C1orf226: variants seen among roughly 807,000 people sequenced by gnomAD.
The protein encoded by C1orf226 is chromosome 1 open reading frame 226.
A neutral mutation model predicts 10.5 loss-of-function variants in C1orf226; 4 were observed. The observed-to-expected ratio is 0.38, with a 90% CI of 0.19 to 0.87. C1orf226 has a LOEUF of 0.87. Ranked by LOEUF, C1orf226 falls within the 40% of genes least tolerant of loss-of-function variation. The probability of loss-of-function intolerance (pLI) is 0.41; values close to 1 mark genes in which losing one functional copy is unlikely to be tolerated. For missense variants in C1orf226, 313 were observed against 336.2 expected, an observed-to-expected ratio of 0.93 and a Z score of 0.54; for synonymous variants, 125 against 139.3, an observed-to-expected ratio of 0.90 and a Z score of 0.72.
At position 162,383,697 on chromosome 1, in the gene C1orf226, T is replaced by C; in HGVS notation, c.*14T>C. Reference sequence around the variant, plus strand: ...TCCTTTGAATAGAGCCTCTGCTCTTTCCTGCTGAGCTCTGCCCTTGTCTTC... The same window carrying C: ...TCCTTTGAATAGAGCCTCTGCTCTTCCCTGCTGAGCTCTGCCCTTGTCTTC... On this transcript the variant is annotated 3_prime_UTR_variant, in exon 2 of 2. Transcript: ENST00000458626. 1.3e-6 allele frequency: 2 copies of C among 1,575,638 alleles called. No individual in the cohort carries two copies. Among genetic ancestry groups the C allele is most frequent in the South Asian group, 2.3e-5 (2 of 85,148 alleles).
Position 162,381,866 on chromosome 1 carries a change from C to A in C1orf226, c.-36C>A. On this transcript the variant is annotated 5_prime_UTR_variant, in exon 1 of 2. Transcript: ENST00000458626. ...TACCGCTCCCCTTTCCTCATCATGC[C>A]TCTCTGTCGCCTCTTTGTTCATAGT... 6.2e-7 allele frequency: 1 copy of A among 1,607,702 alleles called. No homozygotes were observed. Among genetic ancestry groups the A allele is most frequent in the African/African-American group, 1.3e-5 (1 of 74,594 alleles).
chr1:162,383,802 C>T lies in C1orf226; in HGVS notation c.*119C>T. Reference sequence around the variant, plus strand: ...CCTTTGTCTTCCTTGTATGAGGCACCAGCAGAGAGCCAGTCGTCCATCATG... The same window carrying T: ...CCTTTGTCTTCCTTGTATGAGGCACTAGCAGAGAGCCAGTCGTCCATCATG... On this transcript the variant is annotated 3_prime_UTR_variant, in exon 2 of 2. Coordinates refer to ENST00000458626, the MANE Select transcript of C1orf226 (RefSeq NM_001085375.2). 1.0e-6 allele frequency: 1 copy of T among 991,996 alleles called. No individual in the cohort carries two copies. The highest frequency in any genetic ancestry group is 1.4e-6 in the Non-Finnish European group (1 of 695,516). The allele number at this position is 991,996 out of a possible 1,614,324, so 61.4% of individuals were successfully genotyped here. A position where few individuals can be genotyped will look rare whatever the true frequency, so the allele number is the denominator to read the frequency against.
At chr1:162,383,157 G>A (rs1647975324) in intron 1 of C1orf226, 25 bp from the exon 2 acceptor site, 1 of 1,533,654 alleles carries the variant, frequency 6.5e-7, no homozygotes, top group Non-Finnish European at 8.8e-7. Flanking sequence ...TAAGGCATGT[G>A]TGTTTATTGT....
intron 1 of C1orf226, 80 bp from the exon 2 acceptor site, chr1:162,383,102 A>T: frequency 5.0e-6 from 7 of 1,388,410 alleles, no homozygotes; most frequent in Non-Finnish European, 5.9e-6. Context: ...GTGCAGTTGG[A>T]GTTGGAGAAG....
chr1:162,380,004 G>T (rs1208236253), upstream of C1orf226, among the ~76,000 whole-genome samples: 2 of 152,208 alleles, frequency 1.3e-5, no homozygotes, highest in Non-Finnish European at 2.9e-5. Context: ...AAATGGTTTG[G>T]TTTCCAAATC....
At position 162,381,995 on chromosome 1, in the gene C1orf226, C is replaced by G; in HGVS notation, c.94C>G (p.Pro32Ala). ...LSKPVAPGSA[P>A]LGSGEPGGPG... ...CAAGCCCGTGGCCCCCGGCTCTGCC[C>G]CTCTGGGCTCTGGTGAGCCTGGGGG... The change falls in exon 1 of 2, where the codon CCT becomes GCT. Residue 32 changes from proline (P) to alanine (A), a missense_variant. Physicochemically the swap from Pro to Ala is conservative, Grantham distance 27. Coordinates refer to ENST00000458626, the MANE Select transcript of C1orf226 (RefSeq NM_001085375.2). 6.2e-7 allele frequency: 1 copy of G among 1,612,776 alleles called. No individual in the cohort carries two copies. The highest frequency in any genetic ancestry group is 8.5e-7 in the Non-Finnish European group (1 of 1,179,798).
chr1:162,385,714 C>G lies in C1orf226; in HGVS notation c.*2031C>G, dbSNP rs564105663. 1 of 152,268 alleles carries G rather than the reference C, an allele frequency of 6.6e-6. No individual in the cohort carries two copies. Among genetic ancestry groups the G allele is most frequent in the South Asian group, 2.1e-4 (1 of 4,822 alleles). 9.4% of individuals were successfully genotyped at this position (152,268 alleles called of 1,614,324 possible). On this transcript the variant is annotated 3_prime_UTR_variant, in exon 2 of 2. Transcript: ENST00000458626. ...AGAGCTGAGGATAGGGATAGAGTCC[C>G]CAAACACACATCCTGGGAGCAAGCC...
chr1:162,381,366 A>T (rs1647901054), upstream of C1orf226, among the ~76,000 whole-genome samples: 1 of 152,114 alleles, frequency 6.6e-6, no homozygotes, highest in Non-Finnish European at 1.5e-5. Flanking sequence ...CTCAAGGCCC[A>T]CCTCTGTAGA....
upstream of C1orf226, chr1:162,379,105 G>A: frequency 5.0e-6 from 5 of 1,002,730 alleles, no homozygotes; most frequent in South Asian, 7.3e-5. Context: ...GTGCATGTTG[G>A]GGGGTACTGT....
Position 162,384,007 on chromosome 1 carries a change from C to G in C1orf226, c.*324C>G, listed in dbSNP as rs562529290. 4 of 331,642 alleles carry G rather than the reference C, an allele frequency of 1.2e-5. No homozygotes were observed. Among genetic ancestry groups the G allele is most frequent in the Non-Finnish European group, 2.2e-5 (4 of 181,486 alleles). 20.5% of individuals were successfully genotyped at this position (331,642 alleles called of 1,614,324 possible). On this transcript the variant is annotated 3_prime_UTR_variant, in exon 2 of 2. Coordinates refer to ENST00000458626, the MANE Select transcript of C1orf226 (RefSeq NM_001085375.2). ...CTTGTCCTGTCTTCTCAGTGAATTGCAGGGCCACCAGCTCAGGACAATGGA... is the reference window on the plus strand; with the variant it reads ...CTTGTCCTGTCTTCTCAGTGAATTGGAGGGCCACCAGCTCAGGACAATGGA...
chr1:162,380,023 T>C (rs150292376), upstream of C1orf226, among the ~76,000 whole-genome samples: 29 of 152,350 alleles, frequency 1.9e-4, no homozygotes, highest in East Asian at 5.2e-3. Flanking sequence ...TCTTCTTTGC[T>C]AGTTTGCGGA....
Position 162,386,746 on chromosome 1 carries a change from GTTAATA to G in C1orf226, c.*3066_*3071del, listed in dbSNP as rs989781951. ...ATCTATTCTGAGTATTTTTTAGAGAGTTAATATTTATATTTTTAGTAATTTTCTGGT... is the reference window on the plus strand; with the variant it reads ...ATCTATTCTGAGTATTTTTTAGAGAGTTTATATTTTTAGTAATTTTCTGGT... On this transcript the variant is annotated 3_prime_UTR_variant, in exon 2 of 2. Coordinates refer to ENST00000458626, the MANE Select transcript of C1orf226 (RefSeq NM_001085375.2). The G allele has an allele frequency of 1.3e-5, 2 of 152,150 alleles. No homozygotes were observed. The highest frequency in any genetic ancestry group is 2.4e-5 in the African/African-American group (1 of 41,424). The allele number at this position is 152,150 out of a possible 1,614,324, so 9.4% of individuals were successfully genotyped here.
Position 162,382,082 on chromosome 1 carries a change from A to G in C1orf226, c.181A>G (p.Lys61Glu). The change falls in exon 1 of 2, where the codon AAA (lysine) becomes GAA (glutamate). Residue 61 changes from lysine to glutamate, a missense_variant. Physicochemically the swap from Lys to Glu is moderately conservative, Grantham distance 56. Transcript: ENST00000458626. ...GAACCTGGGCAAAGCCATGGGGGCC[A>G]AAGTGAATGACTTCCTGAGGAGAAA... ...LKNLGKAMGAKVNDFLRRKEP... is the reference protein window; with the variant it reads ...LKNLGKAMGAEVNDFLRRKEP... 1 of 1,600,058 alleles carries G rather than the reference A, an allele frequency of 6.2e-7. No homozygotes were observed.
In C1orf226 at chr1:162,382,073, A is replaced by G. The variant is rs1413797058; in HGVS notation, c.172A>G (p.Met58Val). The part of the protein sequence containing the change: ...SQHLKNLGKA[M>V]GAKVNDFLRR... ...GCACCTCAAGAACCTGGGCAAAGCC[A>G]TGGGGGCCAAAGTGAATGACTTCCT... The change falls in exon 1 of 2, where the codon ATG becomes GTG. Residue 58 changes from methionine (M) to valine (V), a missense_variant. Transcript: ENST00000458626. The G allele has an allele frequency of 1.9e-6, 3 of 1,603,684 alleles. No individual in the cohort carries two copies. Among genetic ancestry groups the G allele is most frequent in the Non-Finnish European group, 2.6e-6 (3 of 1,175,004 alleles).
In C1orf226 at chr1:162,383,176, T is replaced by C; in HGVS notation, c.318-6T>C. The C allele has an allele frequency of 6.4e-7, 1 of 1,561,516 alleles. No individual in the cohort carries two copies. The highest frequency in any genetic ancestry group is 8.7e-7 in the Non-Finnish European group (1 of 1,154,696). ...GCATGTGTGTTTATTGTCATTAACCTTACAGGTCAGTCCTGCAAGAAACAT... is the reference window on the plus strand; with the variant it reads ...GCATGTGTGTTTATTGTCATTAACCCTACAGGTCAGTCCTGCAAGAAACAT... On this transcript the variant is annotated splice_region_variant and splice_polypyrimidine_tract_variant and intron_variant, in intron 1 of 1. Coordinates refer to ENST00000458626, the MANE Select transcript of C1orf226 (RefSeq NM_001085375.2).
At position 162,381,935 on chromosome 1, in the gene C1orf226, A is replaced by G; in HGVS notation, c.34A>G (p.Lys12Glu). Residue 12 changes from lysine (K) to glutamate (E), a missense_variant, in exon 1 of 2, where the codon AAG (lysine) becomes GAG (glutamate). Transcript: ENST00000458626. Reference sequence around the variant, plus strand: ...GAATTTGAACACAGCCCTCACTCCAAAGCTCCAGGCCAGCCGCTCCTTCCC... The same window carrying G: ...GAATTTGAACACAGCCCTCACTCCAGAGCTCCAGGCCAGCCGCTCCTTCCC... ...FENLNTALTP[K>E]LQASRSFPHL... The G allele has an allele frequency of 6.2e-7, 1 of 1,612,854 alleles. No homozygotes were observed.
At chr1:162,380,730 G>A (rs536381183), upstream of C1orf226, among the ~76,000 whole-genome samples, 3 of 152,326 alleles carry the variant, frequency 2.0e-5, no homozygotes, top group African/African-American at 4.8e-5. Context: ...GGATGGCCAA[G>A]TGTGAGTGTG....
Position 162,381,983 on chromosome 1 carries a change from C to G in C1orf226, c.82C>G (p.Pro28Ala). 1.2e-6 allele frequency: 2 copies of G among 1,612,854 alleles called. No homozygotes were observed. The highest frequency in any genetic ancestry group is 1.1e-5 in the South Asian group (1 of 91,038). The change falls in exon 1 of 2, where the codon CCC (proline) becomes GCC (alanine). Residue 28 changes from proline to alanine, a missense_variant. By Grantham distance (27) the Pro-to-Ala change is conservative. Transcript: ENST00000458626. ...SFPHLSKPVA[P>A]GSAPLGSGEP... The stretch of plus-strand genomic sequence containing the variant: ...CCCCCACTTGTCCAAGCCCGTGGCC[C>G]CCGGCTCTGCCCCTCTGGGCTCTGG...
At position 162,382,416 on chromosome 1, in the gene C1orf226, A is replaced by G. The variant is rs575763984; in HGVS notation, c.317+198A>G. The stretch of plus-strand genomic sequence containing the variant: ...CTGCAGCCACAGCTGAAGGTTGCTG[A>G]GTGCCCACCATGTCCTCGGCTCTGT... On this transcript the variant is annotated intron_variant, in intron 1 of 1. Transcript: ENST00000458626. Among the ~76,000 whole-genome samples the G allele has an allele frequency of 4.6e-5, 7 of 152,216 alleles. No individual in the cohort carries two copies. The South Asian group carries it at 1.5e-3, about 32-fold the overall frequency.
Sources: gnomAD v4.1 joint callset for allele counts (sites outside exome capture counted in the v4.1 genomes callset) on GRCh38, gnomAD v4.1.1 for gene constraint, MANE v1.5 for transcripts, NCBI Gene and HGNC (gene_info 2026-07-23, HGNC 2026-07-21) for gene names.